The following RBFOX1 variants were observed in gnomAD, a reference collection of about 807,000 sequenced individuals.
The protein encoded by RBFOX1 is RNA binding protein fox-1 homolog 1.
In RBFOX1, 8 loss-of-function variants were observed where a neutral mutation model predicts 57.7. The observed-to-expected ratio is 0.14, with a 90% CI of 0.08 to 0.25. The LOEUF (loss-of-function observed/expected upper bound fraction) is 0.25, where lower values mean the gene tolerates loss of function less well. Ranked by LOEUF, RBFOX1 falls within the 10% of genes least tolerant of loss-of-function variation. RBFOX1 has a pLI of 1.00. For synonymous variants in RBFOX1, 326 were observed against 222.4 expected (o/e 1.47, Z -4.15); for missense variants, 611 against 548.5 (o/e 1.11, Z -1.14).
At chr16:6,789,889 C>T (rs1469464569) in intron 3 of RBFOX1, among the ~76,000 whole-genome samples, 1 of 151,592 alleles carries the variant, frequency 6.6e-6, no homozygotes, top group East Asian at 1.9e-4. Context: ...CAAAAAATAC[C>T]CTTAAAACAT....
At chr16:5,525,315 T>G (rs1416876536) in intron 2 of RBFOX1, among the ~76,000 whole-genome samples, 1 of 152,008 alleles carries the variant, frequency 6.6e-6, no homozygotes, top group Non-Finnish European at 1.5e-5. Context: ...TCTAAGAGTT[T>G]TATAGGAACC....
At chr16:6,719,875 C>G (rs1253337610) in intron 3 of RBFOX1, among the ~76,000 whole-genome samples, 1 of 151,886 alleles carries the variant, frequency 6.6e-6, no homozygotes, top group East Asian at 2.0e-4. Context: ...GGCGGATCAC[C>G]TGAGGTCAGG....
intron 1 of RBFOX1, among the ~76,000 whole-genome samples, chr16:5,354,953 G>A (rs1484811157): frequency 6.6e-6 from 1 of 152,098 alleles, no homozygotes. Flanking sequence ...GGGTCCCGTG[G>A]CTTGGTTTGT....
intron 2 of RBFOX1, among the ~76,000 whole-genome samples, chr16:6,514,009 A>T (rs1022776680): frequency 6.6e-6 from 1 of 152,180 alleles, no homozygotes; most frequent in Non-Finnish European, 1.5e-5. Flanking sequence ...CAAATGGCGC[A>T]TGTCCACCTT....
intron 4 of RBFOX1, among the ~76,000 whole-genome samples, chr16:7,061,152 C>T (rs1012462828): frequency 6.6e-6 from 1 of 152,128 alleles, no homozygotes; most frequent in East Asian, 1.9e-4. Context: ...GAGTTTGCCC[C>T]AAAGTAATTA....
chr16:5,587,856 T>C (rs1432560907), intron 2 of RBFOX1, among the ~76,000 whole-genome samples: 3 of 152,186 alleles, frequency 2.0e-5, no homozygotes, highest in African/African-American at 4.8e-5. Context: ...TCTACTTCCA[T>C]GTATGTACCC....
At chr16:6,606,603 G>C (rs763472733) in intron 2 of RBFOX1, among the ~76,000 whole-genome samples, 1 of 152,128 alleles carries the variant, frequency 6.6e-6, no homozygotes, top group African/African-American at 2.4e-5. Context: ...ACCTGGAAGT[G>C]AGAACATGTG....
At chr16:6,542,483 C>CTTTTTTTGT (rs2096835243) in intron 2 of RBFOX1, among the ~76,000 whole-genome samples, 1 of 55,720 alleles carries the variant, frequency 1.8e-5, no homozygotes, top group African/African-American at 7.6e-5. Context: ...GGACCATAGT[C>CTTTTTTTGT]TTTTTTTTTT....
Position 5,964,239 on chromosome 16 carries a change from A to G in RBFOX1, c.351+96904A>G, listed in dbSNP as rs1046458882. ...TTAGGATGGCTGTTGTCCAAAGGCC[A>G]AAACGTAAGTGTTGGTGACGTTGTG... On this transcript the variant is annotated intron_variant, in intron 4 of 19. Coordinates refer to the RBFOX1 transcript ENST00000641259. Among the ~76,000 whole-genome samples, 5 of 152,206 alleles carry G rather than the reference A, an allele frequency of 3.3e-5. No individual in the cohort carries two copies. In the East Asian group the frequency reaches 9.6e-4, roughly 29 times the overall value.
intron 4 of RBFOX1, among the ~76,000 whole-genome samples, chr16:5,997,184 C>A (rs887459066): frequency 7.9e-5 from 12 of 152,016 alleles, no homozygotes; most frequent in African/African-American, 2.2e-4. Flanking sequence ...CTCCATTGTC[C>A]AAACCTACCA....
chr16:6,021,492 T>C (rs1170571288), intron 1 of RBFOX1, among the ~76,000 whole-genome samples: 1 of 152,070 alleles, frequency 6.6e-6, no homozygotes, highest in Non-Finnish European at 1.5e-5. Context: ...CTGTGAAGGG[T>C]AAAGGTGGTG....
At chr16:7,182,233 G>A (rs2082862275) in intron 4 of RBFOX1, among the ~76,000 whole-genome samples, 1 of 152,074 alleles carries the variant, frequency 6.6e-6, no homozygotes, top group African/African-American at 2.4e-5. Context: ...TTGTTACAGG[G>A]TTGCTAGTTT....
chr16:5,275,472 C>T (rs1261578480), intron 1 of RBFOX1, among the ~76,000 whole-genome samples: 4 of 151,996 alleles, frequency 2.6e-5, no homozygotes, highest in East Asian at 3.9e-4. Context: ...AGGAATATAC[C>T]TAACCAAGGA....
intron 3 of RBFOX1, among the ~76,000 whole-genome samples, chr16:6,908,315 C>G (rs575803123): frequency 3.3e-5 from 5 of 151,810 alleles, no homozygotes; most frequent in African/African-American, 4.8e-5. Flanking sequence ...CTGACCATGG[C>G]TTGGGCCTGT....
At chr16:5,563,167 T>G (rs2045947239) in intron 2 of RBFOX1, among the ~76,000 whole-genome samples, 1 of 152,192 alleles carries the variant, frequency 6.6e-6, no homozygotes, top group East Asian at 1.9e-4. Context: ...CAGGCTGGTC[T>G]TGAACTCCTG....
At chr16:6,166,317 G>A (rs112635103) in intron 1 of RBFOX1, among the ~76,000 whole-genome samples, 10 of 149,554 alleles carry the variant, frequency 6.7e-5, no homozygotes, top group African/African-American at 1.9e-4. Context: ...GACCAAGCTC[G>A]CACACATCAT....
chr16:7,542,810 A>AG (rs1417231475), intron 5 of RBFOX1, among the ~76,000 whole-genome samples: 3 of 58,626 alleles, frequency 5.1e-5, no homozygotes, highest in Admixed American at 1.2e-4. Flanking sequence ...AGACTGTCTG[A>AG]GGAAAAAAAA....
At chr16:7,639,761 T>C (rs1434437323) in intron 11 of RBFOX1, among the ~76,000 whole-genome samples, 1 of 152,178 alleles carries the variant, frequency 6.6e-6, no homozygotes, top group East Asian at 1.9e-4. Flanking sequence ...TTCAACACTG[T>C]AGACAGGTGC....
chr16:5,934,295 G>T (rs539801907), intron 4 of RBFOX1, among the ~76,000 whole-genome samples: 10 of 152,210 alleles, frequency 6.6e-5, no homozygotes, highest in Non-Finnish European at 1.2e-4. Context: ...GAGGCACAGA[G>T]CCTTGGAAAG....
Sources: gnomAD v4.1 joint callset for allele counts (sites outside exome capture counted in the v4.1 genomes callset) on GRCh38, gnomAD v4.1.1 for gene constraint, MANE v1.5 for transcripts, NCBI Gene and HGNC (gene_info 2026-07-23, HGNC 2026-07-21) for gene names.